The following CCDC77 variants were observed in gnomAD, a reference collection of about 807,000 sequenced individuals.
CCDC77 encodes coiled-coil domain-containing protein 77.
Under a neutral mutation model 66.8 loss-of-function variants are expected in CCDC77, and 56 were observed. That is an observed-to-expected ratio of 0.84 (90% CI 0.68 to 1.05). The LOEUF is 1.05. Ranked by LOEUF, CCDC77 falls within the 50% of genes least tolerant of loss-of-function variation. The pLI, the probability that CCDC77 is intolerant of heterozygous loss-of-function variation, is 0.00. For missense variants in CCDC77, 570 were observed against 576.8 expected (o/e 0.99, Z 0.12); for synonymous variants, 196 against 195.2 (o/e 1.00, Z -0.03).
At chr12:422,909 C>T (rs1032638240) in intron 5 of CCDC77, among the ~76,000 whole-genome samples, 5 of 151,700 alleles carry the variant, frequency 3.3e-5, no homozygotes, top group African/African-American at 4.8e-5. Flanking sequence ...CTACTGTGCC[C>T]GGCTGAGACC....
intron 1 of CCDC77, among the ~76,000 whole-genome samples, chr12:393,751 C>T (rs867999657): frequency 2.0e-5 from 3 of 152,078 alleles, no homozygotes; most frequent in Non-Finnish European, 2.9e-5. Context: ...AGGCTGGTCT[C>T]GAATTCCTGG....
chr12:423,494 G>GTTTTTTTT (rs56233976), intron 5 of CCDC77, among the ~76,000 whole-genome samples: 4 of 35,418 alleles, frequency 1.1e-4, no homozygotes, highest in African/African-American at 1.2e-4. Flanking sequence ...TTTTTGTTTT[G>GTTTTTTTT]TTTTTTTTTT....
chr12:437,549 A>T (rs11062984), intron 9 of CCDC77, among the ~76,000 whole-genome samples: 2 of 149,936 alleles, frequency 1.3e-5, no homozygotes, highest in East Asian at 1.9e-4. Flanking sequence ...GTTGATTTTT[A>T]AAAAAGTAGG....
At chr12:440,446 G>A (rs113765801) in intron 10 of CCDC77, among the ~76,000 whole-genome samples, 171 bp from the exon 11 acceptor site, 1 of 152,298 alleles carries the variant, frequency 6.6e-6, no homozygotes, top group African/African-American at 2.4e-5. Flanking sequence ...TAAGAGACTG[G>A]TCTAGAAGTA....
chr12:392,272 G>A lies in CCDC77; in HGVS notation c.-113+2786G>A, dbSNP rs149127801. The stretch of plus-strand genomic sequence containing the variant: ...GATCTGATAATCATTTGGCTAGACC[G>A]TGGTCCCTGGATTTTTAAAAAATGC... On this transcript the variant is annotated intron_variant, in intron 1 of 11. Coordinates refer to the CCDC77 transcript ENST00000422000. Among the ~76,000 whole-genome samples the A allele has an allele frequency of 9.7e-3, 1,477 of 152,200 alleles. 26 individuals carry two copies. The highest frequency in any genetic ancestry group is 0.03 in the African/African-American group (1,264 of 41,516).
chr12:412,631 G>C (rs146424572), intron 4 of CCDC77, among the ~76,000 whole-genome samples: 2 of 152,322 alleles, frequency 1.3e-5, no homozygotes, highest in Admixed American at 6.5e-5. Context: ...GACATTGCCA[G>C]ATGTTTCTGG....
At chr12:395,191 C>T (rs1220707275) in intron 1 of CCDC77, 2 of 152,222 alleles carry the variant, frequency 1.3e-5, no homozygotes, top group South Asian at 2.1e-4. Flanking sequence ...CGATCCTCCT[C>T]CCTCAGCCTC....
intron 9 of CCDC77, among the ~76,000 whole-genome samples, chr12:436,219 G>A (rs1945748589): frequency 6.8e-6 from 1 of 148,066 alleles, no homozygotes; most frequent in African/African-American, 2.5e-5. Flanking sequence ...CCGGGTTCAT[G>A]CCATTCTCCT....
chr12:402,709 C>G (rs1436492488), intron 1 of CCDC77, among the ~76,000 whole-genome samples: 1 of 152,116 alleles, frequency 6.6e-6, no homozygotes, highest in East Asian at 1.9e-4. Context: ...GTCCAGGAGA[C>G]GCAAGGAGTA....
At chr12:398,784 C>T (rs1944861049), upstream of CCDC77, among the ~76,000 whole-genome samples, 1 of 148,404 alleles carries the variant, frequency 6.7e-6, no homozygotes, top group Non-Finnish European at 1.5e-5. Flanking sequence ...TTTTGAGACA[C>T]AGTCTTGCTC....
intron 10 of CCDC77, among the ~76,000 whole-genome samples, chr12:439,263 T>TA (rs771725107): frequency 7.9e-5 from 12 of 152,090 alleles, no homozygotes; most frequent in Non-Finnish European, 1.6e-4. Context: ...CTCACACCTG[T>TA]AATCCCAGCA....
intron 1 of CCDC77, among the ~76,000 whole-genome samples, chr12:391,109 G>C (rs1193771590): frequency 6.6e-6 from 1 of 152,172 alleles, no homozygotes; most frequent in African/African-American, 2.4e-5. Flanking sequence ...CATTACAAAG[G>C]GGTGTAGACA....
At chr12:433,866 AG>A in intron 9 of CCDC77, among the ~76,000 whole-genome samples, 1 of 152,300 alleles carries the variant, frequency 6.6e-6, no homozygotes, top group East Asian at 1.9e-4. Flanking sequence ...TTTTGTCCCA[AG>A]AAAGGCAGGA....
chr12:398,604 C>T (rs1205033078), upstream of CCDC77, among the ~76,000 whole-genome samples: 1 of 152,014 alleles, frequency 6.6e-6, no homozygotes, highest in African/African-American at 2.4e-5. Flanking sequence ...GCTACTTCCA[C>T]AGCATCTGCA....
chr12:439,255 C>T (rs57196836), intron 10 of CCDC77, among the ~76,000 whole-genome samples: 2 of 152,058 alleles, frequency 1.3e-5, no homozygotes, highest in Admixed American at 1.3e-4. Context: ...CGCGATGGCT[C>T]ACACCTGTAA....
chr12:429,225 G>T (rs983297374), intron 6 of CCDC77, among the ~76,000 whole-genome samples: 1 of 152,092 alleles, frequency 6.6e-6, no homozygotes, highest in Non-Finnish European at 1.5e-5. Flanking sequence ...AACAAACACA[G>T]AGTATAGTAA....
upstream of CCDC77, among the ~76,000 whole-genome samples, chr12:400,823 G>GA (rs1473687804): frequency 6.6e-6 from 1 of 152,166 alleles, no homozygotes; most frequent in East Asian, 1.9e-4. Flanking sequence ...TGTGCTGTAG[G>GA]AAAAATGGCG....
chr12:436,939 C>A, intron 9 of CCDC77: 1 of 167,190 alleles, frequency 6.0e-6, no homozygotes, highest in Non-Finnish European at 1.2e-5. Context: ...TGAGAGAGAC[C>A]CTTGTGGTAA....
At position 440,941 on chromosome 12, in the gene CCDC77, CAG is replaced by C. The variant is rs751394272; in HGVS notation, c.1267_1268del (p.Asp423TyrfsTer2). On this transcript the variant is annotated frameshift_variant, in exon 12 of 13. Coordinates refer to ENST00000239830, the MANE Select transcript of CCDC77 (RefSeq NM_032358.4). LOFTEE classifies it high-confidence loss of function. Reference sequence around the variant, plus strand: ...ATCCTGGAAGTAGAAGGCTTTAAGACAGATATTAAAGTTCTCCGACAGAAACT... The same window carrying C: ...ATCCTGGAAGTAGAAGGCTTTAAGACATATTAAAGTTCTCCGACAGAAACT... The C allele has an allele frequency of 6.2e-7, 1 of 1,613,384 alleles. No individual in the cohort carries two copies. Among genetic ancestry groups the C allele is most frequent in the Admixed American group, 1.7e-5 (1 of 60,010 alleles).
Sources: gnomAD v4.1 joint callset for allele counts (sites outside exome capture counted in the v4.1 genomes callset) on GRCh38, gnomAD v4.1.1 for gene constraint, MANE v1.5 for transcripts, NCBI Gene and HGNC (gene_info 2026-07-23, HGNC 2026-07-21) for gene names.